TTC7A: variants seen among roughly 807,000 people sequenced by gnomAD.
The protein encoded by TTC7A is tetratricopeptide repeat domain 7A, also known as tetratricopeptide repeat protein 7A.
In TTC7A, 110 loss-of-function variants were observed where a neutral mutation model predicts 103.7. The observed-to-expected ratio is 1.06, with a 90% CI of 0.91 to 1.24. The LOEUF is 1.24. Among genes scored for constraint, TTC7A ranks in the 50% most tolerant of loss-of-function variants. TTC7A has a pLI of 0.00. For synonymous variants in TTC7A, 521 were observed against 467.9 expected (o/e 1.11, Z -1.47); for missense variants, 1,340 against 1,116.3 (o/e 1.20, Z -2.86).
rs1341219934 is a variant in TTC7A at position 47,007,593 on chromosome 2, G to C, written c.1287+869G>C. ...CTGGCCCCGCAGCCGTCTCTGAGGAGGGCCCTCCTGGCTTGCCAGTGCCTC... is the reference window on the plus strand; with the variant it reads ...CTGGCCCCGCAGCCGTCTCTGAGGACGGCCCTCCTGGCTTGCCAGTGCCTC... On this transcript the variant is annotated intron_variant, in intron 10 of 19. Transcript: ENST00000319190. This position sits in a 1 kb window ranked among gnomAD's most constrained non-coding sequence, Gnocchi z 4.9. Among the ~76,000 whole-genome samples, 2 of 152,138 alleles carry C rather than the reference G, an allele frequency of 1.3e-5. No individual in the cohort carries two copies. The highest frequency in any genetic ancestry group is 2.9e-5 in the Non-Finnish European group (2 of 68,008).
chr2:46,983,598 C>T (rs1005586072), intron 5 of TTC7A, among the ~76,000 whole-genome samples: 3 of 152,216 alleles, frequency 2.0e-5, no homozygotes, highest in African/African-American at 4.8e-5. Context: ...TTTAACTCCT[C>T]AGTGACTTAT....
chr2:47,069,007 C>G (rs1807327), intron 19 of TTC7A, among the ~76,000 whole-genome samples: 122,577 of 151,822 alleles, frequency 0.81, 49,718 homozygotes, highest in East Asian at 0.93. Context: ...AGAGAGGGGA[C>G]CTTCTGTGAC....
At chr2:46,923,182 C>T (rs780321095) in intron 2 of TTC7A, among the ~76,000 whole-genome samples, 2 of 152,188 alleles carry the variant, frequency 1.3e-5, no homozygotes, top group Non-Finnish European at 2.9e-5. Flanking sequence ...TCTCCAAGCC[C>T]TGTTATTTTG....
intron 5 of TTC7A, among the ~76,000 whole-genome samples, chr2:46,980,003 A>G (rs956047638): frequency 2.0e-5 from 3 of 152,196 alleles, no homozygotes; most frequent in African/African-American, 4.8e-5. Context: ...CTCACACACA[A>G]GGAAACCAAG....
intron 1 of TTC7A, among the ~76,000 whole-genome samples, chr2:46,942,520 G>A (rs907860311): frequency 1.3e-5 from 2 of 152,168 alleles, no homozygotes; most frequent in African/African-American, 2.4e-5. Flanking sequence ...CCTGTTGAAG[G>A]CTCTGAGAGG....
At chr2:46,917,797 CTG>C (rs1472420301) in intron 2 of TTC7A, among the ~76,000 whole-genome samples, 2 of 152,166 alleles carry the variant, frequency 1.3e-5, no homozygotes, top group Non-Finnish European at 2.9e-5. Flanking sequence ...CCTCTCAACA[CTG>C]TTTTATCAAA....
In TTC7A at chr2:47,007,693, G is replaced by C. The variant is rs553790323; in HGVS notation, c.1287+969G>C. Among the ~76,000 whole-genome samples the C allele has an allele frequency of 1.2e-4, 19 of 152,330 alleles. No homozygotes were observed. The highest frequency in any genetic ancestry group is 6.2e-4 in the South Asian group (3 of 4,832). Reference sequence around the variant, plus strand: ...GCAGGCCAGGCCCTGGCAGGGAGGGGGAAGAGGAGCAGGTGCTGCAGCCTG... The same window carrying C: ...GCAGGCCAGGCCCTGGCAGGGAGGGCGAAGAGGAGCAGGTGCTGCAGCCTG... On this transcript the variant is annotated intron_variant, in intron 10 of 19. Transcript: ENST00000319190. The surrounding 1 kb of genome is among the most constrained non-coding windows in gnomAD (Gnocchi z 4.9).
chr2:46,951,023 G>A (rs569540039), intron 2 of TTC7A, among the ~76,000 whole-genome samples: 2 of 152,266 alleles, frequency 1.3e-5, no homozygotes, highest in African/African-American at 4.8e-5. Context: ...TGGGTCAGGG[G>A]GCTCTCAGGA....
Position 47,075,807 on chromosome 2 carries a change from G to C in TTC7A, c.*1884G>C, listed in dbSNP as rs369448747. 12 of 152,612 alleles carry C rather than the reference G, an allele frequency of 7.9e-5. No individual in the cohort carries two copies. In the East Asian group the frequency reaches 2.3e-3, roughly 29 times the overall value. The allele number at this position is 152,612 out of a possible 1,614,324, so 9.5% of individuals were successfully genotyped here. A position where few individuals can be genotyped will look rare whatever the true frequency, so the allele number is the denominator to read the frequency against. On this transcript the variant is annotated 3_prime_UTR_variant, in exon 20 of 20. Coordinates refer to ENST00000319190, the MANE Select transcript of TTC7A (RefSeq NM_020458.4). Reference sequence around the variant, plus strand: ...TAAAGCCTGGAGAGGGTAGGAGGAGGCAAGAGGGGTCCAGGCAGGGCTGAT... The same window carrying C: ...TAAAGCCTGGAGAGGGTAGGAGGAGCCAAGAGGGGTCCAGGCAGGGCTGAT...
Position 46,941,746 on chromosome 2 carries a change from G to C in TTC7A, c.184+21G>C. ...CACCGGTGAGTAAGGGAAGAGGCTGGCTCGCCGGCAGCGAGCGCGCGAAAC... is the reference window on the plus strand; with the variant it reads ...CACCGGTGAGTAAGGGAAGAGGCTGCCTCGCCGGCAGCGAGCGCGCGAAAC... On this transcript the variant is annotated intron_variant, in intron 1 of 19. Transcript: ENST00000319190. This position sits in a 1 kb window ranked among gnomAD's most constrained non-coding sequence, Gnocchi z 4.2. The C allele has an allele frequency of 6.5e-7, 1 of 1,547,826 alleles. No homozygotes were observed. The highest frequency in any genetic ancestry group is 8.7e-7 in the Non-Finnish European group (1 of 1,145,962).
intron 1 of TTC7A, among the ~76,000 whole-genome samples, chr2:46,945,006 T>C (rs888643430): frequency 6.6e-6 from 1 of 152,228 alleles, no homozygotes; most frequent in African/African-American, 2.4e-5. Flanking sequence ...CATTTTGTTA[T>C]GAAAATTTCA....
At chr2:47,012,964 T>C (rs1678238647) in intron 11 of TTC7A, among the ~76,000 whole-genome samples, 1 of 152,212 alleles carries the variant, frequency 6.6e-6, no homozygotes, top group African/African-American at 2.4e-5. Flanking sequence ...TAATGGGCTC[T>C]GGGCTTTGGA....
At chr2:47,000,284 C>G (rs1165432505) in intron 8 of TTC7A, among the ~76,000 whole-genome samples, 1 of 150,008 alleles carries the variant, frequency 6.7e-6, no homozygotes, top group East Asian at 1.9e-4. Flanking sequence ...GCTTCCTGGG[C>G]TTGATTCCAT....
At chr2:46,938,611 T>G (rs1187347701), upstream of TTC7A, among the ~76,000 whole-genome samples, 3 of 152,242 alleles carry the variant, frequency 2.0e-5, no homozygotes, top group Admixed American at 6.5e-5. Flanking sequence ...CTAATTTGGA[T>G]ATTGATTTAT....
chr2:46,916,310 G>T, exon 1 of TTC7A: 1 of 381,676 alleles, frequency 2.6e-6, no homozygotes, highest in Non-Finnish European at 3.6e-6. Flanking sequence ...CCTGCTTCCA[G>T]CGTCTGCCAG....
Position 46,956,927 on chromosome 2 carries a change from G to C in TTC7A, c.437G>C (p.Arg146Pro), listed in dbSNP as rs61746139. 4 of 1,614,088 alleles carry C rather than the reference G, an allele frequency of 2.5e-6. No individual in the cohort carries two copies. Among genetic ancestry groups the C allele is most frequent in the Admixed American group, 1.7e-5 (1 of 60,002 alleles). Residue 146 changes from arginine (R) to proline (P), a missense_variant, in exon 3 of 20, where the codon CGG (arginine) becomes CCG (proline). By Grantham distance (103) the Arg-to-Pro change is moderately radical (BLOSUM62 -2). Coordinates refer to ENST00000319190, the MANE Select transcript of TTC7A (RefSeq NM_020458.4). Reference protein sequence around the residue: ...SYRDAISMYARAGIDDMSMEN... With the variant: ...SYRDAISMYAPAGIDDMSMEN... ...CGAGATGCCATCAGCATGTACGCACGGGCCGGGATTGATGACATGTCCATG... is the reference window on the plus strand; with the variant it reads ...CGAGATGCCATCAGCATGTACGCACCGGCCGGGATTGATGACATGTCCATG...
intron 3 of TTC7A, among the ~76,000 whole-genome samples, chr2:46,962,494 A>G (rs535414521): frequency 1.3e-5 from 2 of 152,298 alleles, no homozygotes; most frequent in Admixed American, 6.5e-5. Context: ...TGATTCAGCA[A>G]ACACCTGCTG....
At chr2:46,922,896 C>A (rs1669179731) in intron 2 of TTC7A, among the ~76,000 whole-genome samples, 1 of 152,340 alleles carries the variant, frequency 6.6e-6, no homozygotes, top group East Asian at 1.9e-4. Flanking sequence ...CCCTCTCTTT[C>A]CCACCAGTCG....
At chr2:47,049,199 C>G (rs1396851654) in intron 16 of TTC7A, among the ~76,000 whole-genome samples, 1 of 152,140 alleles carries the variant, frequency 6.6e-6, no homozygotes, top group Admixed American at 6.5e-5. Context: ...CTAAGTTTCC[C>G]CAGTCAACAG....
Sources: gnomAD v4.1 joint callset for allele counts (sites outside exome capture counted in the v4.1 genomes callset) on GRCh38, gnomAD v4.1.1 for gene constraint, Gnocchi (gnomAD v3.1) non-coding constraint, MANE v1.5 for transcripts, NCBI Gene and HGNC (gene_info 2026-07-23, HGNC 2026-07-21) for gene names.